The following CFAP91 variants were observed in gnomAD, a reference collection of about 807,000 sequenced individuals.
CFAP91 encodes the protein cilia- and flagella-associated protein 91.
Under a neutral mutation model 95.9 loss-of-function variants are expected in CFAP91, and 85 were observed. That is an observed-to-expected ratio of 0.89 (90% CI 0.74 to 1.06). The LOEUF (loss-of-function observed/expected upper bound fraction) is 1.06. CFAP91 is among the 50% of genes least tolerant of loss of function. CFAP91 has a pLI of 0.00. For synonymous variants in CFAP91, 335 were observed against 327.5 expected, an observed-to-expected ratio of 1.02 and a Z score of -0.25; for missense variants, 962 against 943.4, an observed-to-expected ratio of 1.02 and a Z score of -0.26.
In CFAP91 at chr3:119,729,827, C is replaced by T. The variant is rs181591704; in HGVS notation, c.861-393C>T. Among the ~76,000 whole-genome samples the T allele has an allele frequency of 3.0e-3, 457 of 152,292 alleles. 4 individuals carry two copies. Among genetic ancestry groups the T allele is most frequent in the South Asian group, 6.8e-3 (33 of 4,824 alleles). On this transcript the variant is annotated intron_variant, in intron 7 of 17. Coordinates refer to ENST00000273390, the MANE Select transcript of CFAP91 (RefSeq NM_033364.4). The stretch of plus-strand genomic sequence containing the variant: ...CAGGAACTGGCATTTTCACCTCACT[C>T]CTTAGGATAGCATGCCAGAACCGCA...
At position 119,751,036 on chromosome 3, in the gene CFAP91, A is replaced by G. The variant is rs191333976; in HGVS notation, c.2243A>G (p.Asp748Gly). ...VQKKLTEGEQ[D>G]EASNAAMLLE... ...AAGAAATTAACTGAGGGAGAGCAAGATGAGGCCTCAAATGCTGCCATGTTA... is the reference window on the plus strand; with the variant it reads ...AAGAAATTAACTGAGGGAGAGCAAGGTGAGGCCTCAAATGCTGCCATGTTA... Residue 748 changes from aspartate (D) to glycine (G), a missense_variant, in exon 17 of 18, where the codon GAT (aspartate) becomes GGT (glycine). Transcript: ENST00000273390. The G allele has an allele frequency of 3.9e-5, 63 of 1,613,858 alleles. No individual in the cohort carries two copies. The African/African-American group carries it at 8.0e-4, about 20-fold the overall frequency.
chr3:119,748,474 TA>T (rs1266457654), intron 16 of CFAP91, among the ~76,000 whole-genome samples: 1 of 152,126 alleles, frequency 6.6e-6, no homozygotes, highest in Non-Finnish European at 1.5e-5. Flanking sequence ...AACAGAAAAA[TA>T]AGATTCTTCC....
At chr3:119,710,572 CAT>C (rs1349745786) in intron 5 of CFAP91, among the ~76,000 whole-genome samples, 1 of 152,234 alleles carries the variant, frequency 6.6e-6, no homozygotes, top group Non-Finnish European at 1.5e-5. Context: ...GACACAGACA[CAT>C]ATTCAAATTG....
intron 13 of CFAP91, among the ~76,000 whole-genome samples, chr3:119,742,039 C>T (rs976067320): frequency 5.3e-5 from 8 of 152,174 alleles, no homozygotes; most frequent in Admixed American, 1.3e-4. Flanking sequence ...AAGCGCTAGG[C>T]CCTGAGACTG....
At chr3:119,726,136 C>T (rs1415033018) in intron 6 of CFAP91, 35 bp from the exon 7 acceptor site, 2 of 1,563,082 alleles carry the variant, frequency 1.3e-6, no homozygotes, top group Non-Finnish European at 1.7e-6. Context: ...TGGGTCAGCT[C>T]ACTTGTTCCT....
At chr3:119,709,811 C>A in intron 4 of CFAP91, 28 bp from the exon 5 acceptor site, 1 of 1,573,492 alleles carries the variant, frequency 6.4e-7, no homozygotes, top group Non-Finnish European at 8.7e-7. Context: ...AAAAGTCCCA[C>A]ACATTTATGT....
intron 4 of CFAP91, among the ~76,000 whole-genome samples, chr3:119,709,424 TA>T (rs2053434363): frequency 6.6e-6 from 1 of 152,246 alleles, no homozygotes; most frequent in African/African-American, 2.4e-5. Flanking sequence ...TCTTAACTTT[TA>T]GGGGGAGGCT....
chr3:119,725,342 T>A (rs965763694), intron 6 of CFAP91, among the ~76,000 whole-genome samples: 3 of 152,258 alleles, frequency 2.0e-5, no homozygotes, highest in African/African-American at 7.2e-5. Flanking sequence ...AGGTATTGTG[T>A]CTTTGAATGC....
chr3:119,708,678 G>T lies in CFAP91; in HGVS notation c.443+4G>T. 1 of 1,492,880 alleles carries T rather than the reference G, an allele frequency of 6.7e-7. No homozygotes were observed. The highest frequency in any genetic ancestry group is 1.2e-5 in the South Asian group (1 of 84,146). The allele number at this position is 1,492,880 out of a possible 1,614,324, so 92.5% of individuals were successfully genotyped here. ...ATCGCTATAAATACTTTGAAAGGTA[G>T]AACATAATTACTAATGAATATTTGA... On this transcript the variant is annotated splice_donor_region_variant and intron_variant, in intron 4 of 17. Coordinates refer to ENST00000273390, the MANE Select transcript of CFAP91 (RefSeq NM_033364.4).
intron 10 of CFAP91, among the ~76,000 whole-genome samples, chr3:119,734,641 C>G (rs1333787913): frequency 3.9e-5 from 6 of 152,148 alleles, no homozygotes; most frequent in Non-Finnish European, 7.4e-5. Context: ...TCAGAGCATA[C>G]AGCTTATTTT....
intron 6 of CFAP91, among the ~76,000 whole-genome samples, chr3:119,721,070 C>T (rs1455345732): frequency 6.6e-6 from 1 of 152,082 alleles, no homozygotes; most frequent in Non-Finnish European, 1.5e-5. Context: ...GCCAATCTCA[C>T]ATATGAAGAA....
chr3:119,735,032 G>A (rs2053975240), intron 10 of CFAP91, among the ~76,000 whole-genome samples: 1 of 151,118 alleles, frequency 6.6e-6, no homozygotes, highest in South Asian at 2.1e-4. Context: ...CCATTTTTTT[G>A]GCATATGATT....
chr3:119,756,730 C>T (rs1450092797), intron 17 of CFAP91, among the ~76,000 whole-genome samples: 1 of 152,038 alleles, frequency 6.6e-6, no homozygotes, highest in Non-Finnish European at 1.5e-5. Context: ...CATTTTGTAA[C>T]CTCTAGGGTA....
intron 11 of CFAP91, among the ~76,000 whole-genome samples, chr3:119,738,320 T>C (rs1052462855): frequency 4.1e-5 from 6 of 144,622 alleles, no homozygotes; most frequent in Admixed American, 1.4e-4. Flanking sequence ...AGGGCTTTGG[T>C]TGACATATTG....
intron 5 of CFAP91, among the ~76,000 whole-genome samples, chr3:119,715,213 A>G (rs1175640337): frequency 6.6e-6 from 1 of 152,208 alleles, no homozygotes; most frequent in African/African-American, 2.4e-5. Flanking sequence ...AGAAGAAAGA[A>G]ACCAGAGAAT....
chr3:119,745,702 C>T (rs1351381133), intron 14 of CFAP91, among the ~76,000 whole-genome samples: 1 of 152,194 alleles, frequency 6.6e-6, no homozygotes, highest in Non-Finnish European at 1.5e-5. Flanking sequence ...ATTGTATATT[C>T]CCTTTGTGCC....
At chr3:119,708,733 G>GATA (rs1173653489) in intron 4 of CFAP91, 59 bp downstream of exon 4, 2 of 1,003,324 alleles carry the variant, frequency 2.0e-6, no homozygotes, top group African/African-American at 1.6e-5. Flanking sequence ...ACCTCTTTAT[G>GATA]ATAATAATAA....
At chr3:119,726,707 G>A (rs2053790998) in intron 7 of CFAP91, among the ~76,000 whole-genome samples, 2 of 152,010 alleles carry the variant, frequency 1.3e-5, no homozygotes, top group South Asian at 2.1e-4. Context: ...TTTCTGCAAA[G>A]CACCTTTCAA....
chr3:119,760,382 A>G (rs1340813424), intron 17 of CFAP91, among the ~76,000 whole-genome samples: 1 of 151,900 alleles, frequency 6.6e-6, no homozygotes, highest in Non-Finnish European at 1.5e-5. Flanking sequence ...CCCTAAATAT[A>G]TAAAACAAAT....
Sources: allele counts gnomAD v4.1 joint callset (sites outside exome capture counted in the v4.1 genomes callset), GRCh38; gene constraint gnomAD v4.1.1; transcripts MANE v1.5; gene names NCBI Gene and HGNC (gene_info 2026-07-23, HGNC 2026-07-21).